The following SRGAP3 variants were observed in gnomAD, a reference collection of about 807,000 sequenced individuals.
SRGAP3 encodes the protein SLIT-ROBO Rho GTPase-activating protein 3.
Under a neutral mutation model 121.1 loss-of-function variants are expected in SRGAP3, and 39 were observed. That is an observed-to-expected ratio of 0.32 (90% CI 0.25 to 0.42). SRGAP3 has a LOEUF of 0.42. Ranked by LOEUF, SRGAP3 falls within the 10% of genes least tolerant of loss-of-function variation. The pLI is 1.00. For missense variants in SRGAP3, 1,213 were observed against 1,470.6 expected (o/e 0.82, Z 2.86); for synonymous variants, 601 against 570.0 (o/e 1.05, Z -0.77).
At chr3:9,128,192 G>A (rs1212218362) in intron 1 of SRGAP3, among the ~76,000 whole-genome samples, 5 of 152,098 alleles carry the variant, frequency 3.3e-5, no homozygotes, top group East Asian at 3.9e-4. Context: ...CAACCATCCC[G>A]CCCATCTCAT....
intron 3 of SRGAP3, among the ~76,000 whole-genome samples, chr3:9,273,136 GCACGCAACCTGGATCCCT>G (rs1184808538): frequency 1.3e-5 from 2 of 152,122 alleles, no homozygotes; most frequent in Non-Finnish European, 2.9e-5. Flanking sequence ...CTGATAAGGG[GCACGCAACCTGGATCCCT>G]CACATGTGCA....
At position 9,249,234 on chromosome 3, in the gene SRGAP3, A is replaced by G; in HGVS notation, c.-283T>C. 1 of 521,456 alleles carries G rather than the reference A, an allele frequency of 1.9e-6. No homozygotes were observed. The highest frequency in any genetic ancestry group is 3.5e-6 in the Non-Finnish European group (1 of 288,050). The allele number at this position is 521,456 out of a possible 1,614,324, so 32.3% of individuals were successfully genotyped here. Reference sequence around the variant, plus strand: ...CACAGTAACCTGCCCCAGATTTTCAAAGATTTTTCTTCCAAAAATAATAAT... The same window carrying G: ...CACAGTAACCTGCCCCAGATTTTCAGAGATTTTTCTTCCAAAAATAATAAT... On this transcript the variant is annotated 5_prime_UTR_variant, in exon 1 of 22. Coordinates refer to ENST00000383836, the MANE Select transcript of SRGAP3 (RefSeq NM_014850.4).
intron 1 of SRGAP3, among the ~76,000 whole-genome samples, chr3:9,154,511 G>T (rs1950335780): frequency 6.6e-6 from 1 of 151,630 alleles, no homozygotes; most frequent in South Asian, 2.1e-4. Context: ...ACGTCTCAAG[G>T]CCCCACCCCA....
intron 3 of SRGAP3, among the ~76,000 whole-genome samples, chr3:9,313,754 G>A (rs569795041): frequency 3.7e-4 from 57 of 152,166 alleles, no homozygotes; most frequent in African/African-American, 1.3e-3. Context: ...CAGCATTCTG[G>A]GAGGCCGAGA....
chr3:9,017,489 T>C (rs909743494), intron 14 of SRGAP3, among the ~76,000 whole-genome samples: 34 of 152,300 alleles, frequency 2.2e-4, no homozygotes, highest in Admixed American at 2.1e-3. Flanking sequence ...GTTTATGTTA[T>C]TGTTTAGTAT....
At chr3:9,256,136 A>G (rs1320632599) in intron 3 of SRGAP3, among the ~76,000 whole-genome samples, 1 of 152,144 alleles carries the variant, frequency 6.6e-6, no homozygotes, top group Non-Finnish European at 1.5e-5. Context: ...AGGATGGGAA[A>G]TCAGTCTCTC....
At chr3:9,157,641 T>C (rs370884829) in intron 1 of SRGAP3, among the ~76,000 whole-genome samples, 3 of 152,276 alleles carry the variant, frequency 2.0e-5, no homozygotes, top group African/African-American at 7.2e-5. Flanking sequence ...AGAGTAATGA[T>C]AGAGTCTGTC....
At chr3:9,027,033 A>T (rs988428910) in intron 12 of SRGAP3, 38 bp from the exon 13 acceptor site, 4 of 1,587,464 alleles carry the variant, frequency 2.5e-6, no homozygotes, top group Admixed American at 1.7e-5. Flanking sequence ...ATGGGGCTTG[A>T]CAACCACCAC....
Position 8,985,351 on chromosome 3 carries a change from C to T in SRGAP3, c.*168G>A, listed in dbSNP as rs539832416. On this transcript the variant is annotated 3_prime_UTR_variant, in exon 22 of 22. Coordinates refer to ENST00000383836, the MANE Select transcript of SRGAP3 (RefSeq NM_014850.4). This position sits in a 1 kb window ranked among gnomAD's most constrained non-coding sequence, Gnocchi z 5.1. ...GGTCCGTGGGATTCCCATGGCTGGA[C>T]GTGAGCTGCAGCCAGCGCCCGGGCC... 7.3e-7 allele frequency: 1 copy of T among 1,376,296 alleles called. No homozygotes were observed. Among genetic ancestry groups the T allele is most frequent in the East Asian group, 2.6e-5 (1 of 37,758 alleles). 85.3% of individuals were successfully genotyped at this position (1,376,296 alleles called of 1,614,324 possible). A position where few individuals can be genotyped will look rare whatever the true frequency, so the allele number is the denominator to read the frequency against.
At chr3:9,048,439 A>G (rs1314676611) in intron 9 of SRGAP3, among the ~76,000 whole-genome samples, 1 of 152,228 alleles carries the variant, frequency 6.6e-6, no homozygotes, top group Non-Finnish European at 1.5e-5. Context: ...CTTGAAGCTT[A>G]CGTGGTGGGC....
At position 8,982,464 on chromosome 3, in the gene SRGAP3, A is replaced by G. The variant is rs975806067; in HGVS notation, c.*3055T>C. 6 of 221,356 alleles carry G rather than the reference A, an allele frequency of 2.7e-5. No individual in the cohort carries two copies. The highest frequency in any genetic ancestry group is 1.3e-4 in the African/African-American group (6 of 44,694). 13.7% of individuals were successfully genotyped at this position (221,356 alleles called of 1,614,324 possible). ...TAGGTATTTGTTTTTACATTGATCT[A>G]TCTACTAGGTGCAAAGATTTGGTGA... is the stretch of plus-strand genomic sequence containing the variant. On this transcript the variant is annotated 3_prime_UTR_variant, in exon 22 of 22. Transcript: ENST00000383836.
intron 1 of SRGAP3, among the ~76,000 whole-genome samples, chr3:9,243,927 G>C (rs1463325967): frequency 6.6e-6 from 1 of 152,152 alleles, no homozygotes; most frequent in African/African-American, 2.4e-5. Flanking sequence ...AGATTCCCTT[G>C]AAACACTGAA....
chr3:9,170,637 A>G (rs1366566788), intron 1 of SRGAP3, among the ~76,000 whole-genome samples: 1 of 152,216 alleles, frequency 6.6e-6, no homozygotes, highest in Non-Finnish European at 1.5e-5. Context: ...TGATGCTGAA[A>G]TCAACCATTG....
chr3:9,095,033 A>T (rs895673629), intron 3 of SRGAP3, among the ~76,000 whole-genome samples: 3 of 152,114 alleles, frequency 2.0e-5, no homozygotes, highest in Admixed American at 1.3e-4. Context: ...AAGTGCTGAG[A>T]TTACAGGTGT....
At chr3:9,068,206 G>A (rs1369137627) in intron 4 of SRGAP3, among the ~76,000 whole-genome samples, 4 of 152,072 alleles carry the variant, frequency 2.6e-5, no homozygotes, top group African/African-American at 9.7e-5. Context: ...ATCTGTGCTG[G>A]GTAGTTCAGG....
intron 1 of SRGAP3, among the ~76,000 whole-genome samples, chr3:9,182,659 T>G (rs1333701516): frequency 6.6e-6 from 1 of 152,140 alleles, no homozygotes; most frequent in Non-Finnish European, 1.5e-5. Context: ...TTTATTTATT[T>G]GTTTGTTTTA....
At chr3:9,149,001 G>T (rs1950118498) in intron 1 of SRGAP3, among the ~76,000 whole-genome samples, 1 of 152,046 alleles carries the variant, frequency 6.6e-6, no homozygotes, top group South Asian at 2.1e-4. Flanking sequence ...AGATCACAAG[G>T]TCGGGAGTTC....
intron 1 of SRGAP3, among the ~76,000 whole-genome samples, chr3:9,202,063 G>T (rs1280267110): frequency 1.3e-5 from 2 of 151,844 alleles, no homozygotes; most frequent in Non-Finnish European, 2.9e-5. Flanking sequence ...TTTGGAGGAT[G>T]GGGGGAAGGG....
intron 1 of SRGAP3, among the ~76,000 whole-genome samples, chr3:9,339,742 G>T (rs757366191): frequency 6.6e-6 from 1 of 152,184 alleles, no homozygotes; most frequent in Non-Finnish European, 1.5e-5. Flanking sequence ...CCTAGGGGCT[G>T]CCAGTTTGCA....
Sources: allele counts gnomAD v4.1 joint callset (sites outside exome capture counted in the v4.1 genomes callset), GRCh38; gene constraint gnomAD v4.1.1; non-coding constraint Gnocchi (gnomAD v3.1); transcripts MANE v1.5; gene names NCBI Gene and HGNC (gene_info 2026-07-23, HGNC 2026-07-21).